SPINK5: variants seen among roughly 807,000 people sequenced by gnomAD.
The protein encoded by SPINK5 is serine peptidase inhibitor Kazal type 5.
In SPINK5, 125 loss-of-function variants were observed where a neutral mutation model predicts 151.8. The ratio of observed to expected loss-of-function variants is 0.82; its 90% confidence interval spans 0.71 to 0.96. The LOEUF (loss-of-function observed/expected upper bound fraction) is 0.96. Ranked by LOEUF, SPINK5 falls within the 40% of genes least tolerant of loss-of-function variation. The probability of loss-of-function intolerance (pLI) is 0.00; values close to 1 mark genes in which losing one functional copy is unlikely to be tolerated. For synonymous variants in SPINK5, 374 were observed against 395.3 expected, an observed-to-expected ratio of 0.95 and a Z score of 0.64; for missense variants, 1,194 against 1,291.9, an observed-to-expected ratio of 0.92 and a Z score of 1.16.
At position 148,098,827 on chromosome 5, in the gene SPINK5, C is replaced by A. The variant is rs960037298; in HGVS notation, c.1011-407C>A. ...ATATCCTGAGATGTAGCAAAGACCC[C>A]CTCTACCTCTCATCTTCTCTGATTA... On this transcript the variant is annotated intron_variant, in intron 11 of 32. Transcript: ENST00000256084. Among the ~76,000 whole-genome samples, 9 of 152,028 alleles carry A rather than the reference C, an allele frequency of 5.9e-5. 1 individual carries two copies. In the South Asian group the frequency reaches 1.5e-3, roughly 25 times the overall value.
chr5:148,106,218 G>A (rs1208873852), intron 16 of SPINK5, among the ~76,000 whole-genome samples: 2 of 151,442 alleles, frequency 1.3e-5, no homozygotes, highest in African/African-American at 2.4e-5. Flanking sequence ...TCCCATTCCT[G>A]GTTTTTAATT....
At chr5:148,111,739 T>C (rs1272614672) in intron 18 of SPINK5, 29 bp from the exon 19 acceptor site, 4 of 1,613,824 alleles carry the variant, frequency 2.5e-6, no homozygotes, top group Admixed American at 1.7e-5. Flanking sequence ...TATTGGACTC[T>C]TAAAACCTGC....
Position 148,064,026 on chromosome 5 carries a change from G to T in SPINK5, c.-19G>T. ...CAATGCATGGAGTGGACCTGTAGGC[G>T]ACTTGCATCGTCTTCAACATGAAGA... On this transcript the variant is annotated 5_prime_UTR_variant, in exon 1 of 33. Transcript: ENST00000256084. 6.2e-7 allele frequency: 1 copy of T among 1,614,076 alleles called. No individual in the cohort carries two copies. The highest frequency in any genetic ancestry group is 1.1e-5 in the South Asian group (1 of 91,058).
At chr5:148,076,880 T>C (rs1043848500) in intron 4 of SPINK5, among the ~76,000 whole-genome samples, 2 of 151,522 alleles carry the variant, frequency 1.3e-5, no homozygotes, top group Non-Finnish European at 3.0e-5. Context: ...AAAAGGGAAT[T>C]ACCAAACTTG....
chr5:148,073,018 T>A (rs901703910), intron 4 of SPINK5, among the ~76,000 whole-genome samples: 4 of 151,852 alleles, frequency 2.6e-5, no homozygotes, highest in African/African-American at 9.7e-5. Context: ...AAAATAAAAT[T>A]TAAAAAATAA....
chr5:148,100,501 T>G lies in SPINK5; in HGVS notation c.1140T>G (p.Ala380=). Residue 380 remains alanine (A), a synonymous_variant, in exon 13 of 33, where the codon GCT becomes GCG. Transcript: ENST00000256084. ...YRKLVRNGKL[A]CTRENDPIQG... Reference sequence around the variant, plus strand: ...AGCTTGTGAGGAACGGAAAACTTGCTTGCACCAGAGAGAACGATCCTATCC... The same window carrying G: ...AGCTTGTGAGGAACGGAAAACTTGCGTGCACCAGAGAGAACGATCCTATCC... 1.2e-6 allele frequency: 2 copies of G among 1,613,166 alleles called. No individual in the cohort carries two copies. The highest frequency in any genetic ancestry group is 1.3e-5 in the African/African-American group (1 of 74,962).
intron 4 of SPINK5, among the ~76,000 whole-genome samples, chr5:148,080,220 A>G (rs1752984230): frequency 6.6e-6 from 1 of 151,382 alleles, no homozygotes; most frequent in African/African-American, 2.4e-5. Flanking sequence ...ATAAAATGGT[A>G]CTGAGAAAAA....
chr5:148,110,122 A>G (rs1225976236), intron 18 of SPINK5, among the ~76,000 whole-genome samples: 1 of 152,156 alleles, frequency 6.6e-6, no homozygotes, highest in African/African-American at 2.4e-5. Context: ...TAACATCTTC[A>G]TATATTAGCT....
rs377089918 is a variant in SPINK5, at chr5:148,114,268, C to CTTTTT, written c.1888-93_1888-92insTTTTT. On this transcript the variant is annotated intron_variant, in intron 20 of 32. Coordinates refer to ENST00000256084, the MANE Select transcript of SPINK5 (RefSeq NM_006846.4). ...AAAAAATTCTCAGGTCATTTTCTCTCTCTTTTTTTTTTTTCTATAAAGCAC... is the reference window on the plus strand; with the variant it reads ...AAAAAATTCTCAGGTCATTTTCTCTCTTTTTTCTTTTTTTTTTTTCTATAAAGCAC... 85 of 1,296,386 alleles carry CTTTTT rather than the reference C, an allele frequency of 6.6e-5. No homozygotes were observed. The African/African-American group carries it at 1.1e-3, about 16-fold the overall frequency. 80.3% of individuals were successfully genotyped at this position (1,296,386 alleles called of 1,614,324 possible). A position where few individuals can be genotyped will look rare whatever the true frequency, so the allele number is the denominator to read the frequency against.
Position 148,101,911 on chromosome 5 carries a change from G to A in SPINK5, c.1430+3G>A. 1.2e-6 allele frequency: 2 copies of A among 1,613,508 alleles called. No individual in the cohort carries two copies. The highest frequency in any genetic ancestry group is 1.7e-6 in the Non-Finnish European group (2 of 1,179,582). On this transcript the variant is annotated splice_donor_region_variant and intron_variant, in intron 15 of 32. Transcript: ENST00000256084. ...TGCTCCATGTGTGAGGCCTTCTTGT[G>A]AGTAGAGCAGTAGCCCCATAGCGTC...
chr5:148,093,204 C>T (rs1321466425), intron 8 of SPINK5, among the ~76,000 whole-genome samples: 1 of 151,902 alleles, frequency 6.6e-6, no homozygotes, highest in African/African-American at 2.4e-5. Context: ...ATAGAGATCC[C>T]CAAGCCTAGA....
chr5:148,107,272 A>G, intron 17 of SPINK5, 108 bp downstream of exon 17: 1 of 1,498,948 alleles, frequency 6.7e-7, no homozygotes, highest in Non-Finnish European at 9.2e-7. Flanking sequence ...TATATATTAG[A>G]AAGGTTTACA....
intron 26 of SPINK5, among the ~76,000 whole-genome samples, chr5:148,123,521 G>GTGTA (rs1328976077): frequency 1.2e-4 from 3 of 25,016 alleles, no homozygotes; most frequent in African/African-American, 2.4e-4. Context: ...CAATATATGT[G>GTGTA]TATATATATA....
At chr5:148,077,714 T>C (rs1164673294) in intron 4 of SPINK5, among the ~76,000 whole-genome samples, 3 of 148,674 alleles carry the variant, frequency 2.0e-5, no homozygotes, top group African/African-American at 7.4e-5. Flanking sequence ...TAAGGCAAAG[T>C]TTCTCTATTT....
chr5:148,088,652 C>T (rs1233206424), intron 6 of SPINK5, 47 bp downstream of exon 6: 5 of 1,574,132 alleles, frequency 3.2e-6, no homozygotes, highest in Non-Finnish European at 4.4e-6. Context: ...AGGCTAACTT[C>T]AAATAGTAAG....
intron 16 of SPINK5, among the ~76,000 whole-genome samples, chr5:148,105,623 CTGTTTTTTTTGA>C (rs33943126): frequency 0.04 from 6,009 of 150,562 alleles, 404 homozygotes; most frequent in African/African-American, 0.14. Context: ...TTCTTTTTTT[CTGTTTTTTTTGA>C]GATGGAGTCT....
At chr5:148,081,706 T>C (rs1343820000) in intron 4 of SPINK5, among the ~76,000 whole-genome samples, 1 of 151,680 alleles carries the variant, frequency 6.6e-6, no homozygotes, top group Admixed American at 6.6e-5. Flanking sequence ...TGTACAACTC[T>C]TTCCATTTAC....
At chr5:148,116,615 CA>C (rs1334034870) in intron 22 of SPINK5, 149 bp downstream of exon 22, 8 of 773,458 alleles carry the variant, frequency 1.0e-5, no homozygotes, top group Non-Finnish European at 1.8e-5. Context: ...GGTAAGATAT[CA>C]GCACATTTTC....
chr5:148,099,512 A>C (rs1258921886), intron 12 of SPINK5, among the ~76,000 whole-genome samples, 197 bp downstream of exon 12: 1 of 151,790 alleles, frequency 6.6e-6, no homozygotes, highest in African/African-American at 2.4e-5. Flanking sequence ...AAAAAAAAAA[A>C]AAAAAAATTG....
Sources: allele counts gnomAD v4.1 joint callset (sites outside exome capture counted in the v4.1 genomes callset), GRCh38; gene constraint gnomAD v4.1.1; transcripts MANE v1.5; gene names NCBI Gene and HGNC (gene_info 2026-07-23, HGNC 2026-07-21).